The following EFCAB5 variants were observed in gnomAD, a reference collection of about 807,000 sequenced individuals.
EFCAB5 encodes EF-hand calcium binding domain 5.
A neutral mutation model predicts 167.9 loss-of-function variants in EFCAB5; 131 were observed. The observed-to-expected ratio is 0.78, with a 90% CI of 0.68 to 0.90. The LOEUF is 0.90. Ranked by LOEUF, EFCAB5 falls within the 40% of genes least tolerant of loss-of-function variation. EFCAB5 has a pLI of 0.00. For missense variants in EFCAB5, 1,663 were observed against 1,745.2 expected (o/e 0.95, Z 0.84); for synonymous variants, 574 against 602.8 (o/e 0.95, Z 0.70).
At chr17:30,069,053 TAA>T in intron 14 of EFCAB5, 1 of 1,410,834 alleles carries the variant, frequency 7.1e-7, no homozygotes. Flanking sequence ...GAAGATTACT[TAA>T]AAAAAGTGTG....
intron 4 of EFCAB5, among the ~76,000 whole-genome samples, chr17:29,973,381 A>C (rs1168016415): frequency 6.6e-6 from 1 of 152,204 alleles, no homozygotes; most frequent in Non-Finnish European, 1.5e-5. Context: ...TGTGCTGAGA[A>C]AAGAAATATG....
In EFCAB5 at chr17:30,107,624, T is replaced by G. The variant is rs566621165; in HGVS notation, c.4322-210T>G. 3.9e-5 allele frequency among the ~76,000 whole-genome samples: 6 copies of G among 152,312 alleles called. No individual in the cohort carries two copies. In the South Asian group the frequency reaches 1.2e-3, roughly 32 times the overall value. ...ATTTATTCATGAATACAAATAACTCTAATTCTTTGTTAACTGCTGTTAAGT... is the reference window on the plus strand; with the variant it reads ...ATTTATTCATGAATACAAATAACTCGAATTCTTTGTTAACTGCTGTTAAGT... On this transcript the variant is annotated intron_variant, in intron 22 of 22. Transcript: ENST00000394835.
At chr17:29,948,358 T>C (rs1243271371) in intron 3 of EFCAB5, among the ~76,000 whole-genome samples, 1 of 152,216 alleles carries the variant, frequency 6.6e-6, no homozygotes, top group Non-Finnish European at 1.5e-5. Flanking sequence ...TTTCAATGTA[T>C]GGTAGAGAGA....
chr17:30,010,481 G>A (rs1263219526), intron 7 of EFCAB5, among the ~76,000 whole-genome samples: 3 of 152,102 alleles, frequency 2.0e-5, no homozygotes, highest in Non-Finnish European at 4.4e-5. Flanking sequence ...GTTTCCTGAC[G>A]TTTTAATGAT....
chr17:30,051,926 A>G (rs1189584841), intron 9 of EFCAB5, among the ~76,000 whole-genome samples: 1 of 152,074 alleles, frequency 6.6e-6, no homozygotes, highest in Non-Finnish European at 1.5e-5. Context: ...TATCCTTTTT[A>G]TGTTATTTCC....
intron 22 of EFCAB5, among the ~76,000 whole-genome samples, chr17:30,100,492 G>A (rs2071366427): frequency 6.6e-6 from 1 of 152,238 alleles, no homozygotes; most frequent in African/African-American, 2.4e-5. Flanking sequence ...TTTAGGCCGG[G>A]CGTGGTGGCT....
chr17:30,048,231 C>T (rs977525473), intron 8 of EFCAB5, among the ~76,000 whole-genome samples: 4 of 152,010 alleles, frequency 2.6e-5, no homozygotes, highest in African/African-American at 4.8e-5. Context: ...ACACAGCAAC[C>T]AGCAGAATCT....
chr17:29,937,144 A>G (rs900992514), upstream of EFCAB5, among the ~76,000 whole-genome samples: 17 of 152,196 alleles, frequency 1.1e-4, no homozygotes, highest in Admixed American at 5.9e-4. Flanking sequence ...TCACAGGCCA[A>G]ACAGGCAAGT....
upstream of EFCAB5, among the ~76,000 whole-genome samples, chr17:29,940,117 C>T (rs558024774): frequency 8.2e-4 from 124 of 151,268 alleles, no homozygotes; most frequent in African/African-American, 2.9e-3. Flanking sequence ...CGCTCATTGC[C>T]GAGGCTGGAG....
intron 14 of EFCAB5, among the ~76,000 whole-genome samples, chr17:30,076,459 G>T (rs545689183): frequency 6.6e-6 from 1 of 152,326 alleles, no homozygotes; most frequent in East Asian, 1.9e-4. Context: ...ATTACTAAGA[G>T]AAAGGTGAGT....
rs1419124912 is a variant in EFCAB5, at chr17:29,957,530, C to G, written c.191-11261C>G. Among the ~76,000 whole-genome samples, 3 of 152,266 alleles carry G rather than the reference C, an allele frequency of 2.0e-5. No homozygotes were observed. The East Asian group carries it at 5.8e-4, about 29-fold the overall frequency. On this transcript the variant is annotated intron_variant, in intron 3 of 22. Transcript: ENST00000394835. Reference sequence around the variant, plus strand: ...GTGTATGTTGTTCCCCTCCCTGTGTCCATGTGTTCTCACTATTCAGTTCCC... The same window carrying G: ...GTGTATGTTGTTCCCCTCCCTGTGTGCATGTGTTCTCACTATTCAGTTCCC...
At chr17:30,026,145 T>TG (rs2069316545) in intron 7 of EFCAB5, among the ~76,000 whole-genome samples, 2 of 151,708 alleles carry the variant, frequency 1.3e-5, no homozygotes, top group African/African-American at 4.8e-5. Context: ...ATTGTGCACA[T>TG]GTACCCTAAA....
At chr17:30,055,853 T>C (rs1267859527) in intron 10 of EFCAB5, 35 bp from the exon 11 acceptor site, 1 of 1,596,598 alleles carries the variant, frequency 6.3e-7, no homozygotes, top group Non-Finnish European at 8.5e-7. Flanking sequence ...ATATGTAATG[T>C]CTAATTCATA....
At chr17:29,970,750 C>T (rs573152290) in intron 4 of EFCAB5, among the ~76,000 whole-genome samples, 1 of 151,856 alleles carries the variant, frequency 6.6e-6, no homozygotes, top group South Asian at 2.1e-4. Flanking sequence ...TCCATTTGCT[C>T]ATCTTATTTT....
intron 7 of EFCAB5, among the ~76,000 whole-genome samples, chr17:30,003,304 C>T (rs977301030): frequency 1.3e-4 from 20 of 152,112 alleles, no homozygotes; most frequent in African/African-American, 2.4e-4. Flanking sequence ...GGCATGATCG[C>T]GGCTCACTGC....
chr17:29,939,676 C>T (rs2067273431), upstream of EFCAB5, among the ~76,000 whole-genome samples: 1 of 152,228 alleles, frequency 6.6e-6, no homozygotes, highest in African/African-American at 2.4e-5. Context: ...CCTTAAACCC[C>T]ATGAATCAAC....
intron 7 of EFCAB5, among the ~76,000 whole-genome samples, chr17:30,015,047 T>C (rs1200808793): frequency 3.3e-5 from 5 of 152,230 alleles, no homozygotes; most frequent in Non-Finnish European, 7.3e-5. Flanking sequence ...TTATTTCTCC[T>C]GCACTTATGA....
chr17:29,986,943 G>A (rs569117962), intron 4 of EFCAB5, among the ~76,000 whole-genome samples: 18 of 152,222 alleles, frequency 1.2e-4, no homozygotes, highest in East Asian at 7.7e-4. Flanking sequence ...CACCGCGCCC[G>A]GCCGAGTATA....
At chr17:29,952,653 T>C (rs2067535540) in intron 3 of EFCAB5, among the ~76,000 whole-genome samples, 1 of 152,110 alleles carries the variant, frequency 6.6e-6, no homozygotes, top group South Asian at 2.1e-4. Context: ...GTAGAATATA[T>C]ATAGTATGAA....
Sources: allele counts gnomAD v4.1 joint callset (sites outside exome capture counted in the v4.1 genomes callset), GRCh38; gene constraint gnomAD v4.1.1; transcripts MANE v1.5; gene names NCBI Gene and HGNC (gene_info 2026-07-23, HGNC 2026-07-21).